AQP7B: variants seen among roughly 807,000 people sequenced by gnomAD.
AQP7B encodes the protein aquaporin 7B.
chr2:94,597,663 G>A, the AQP7B span, among the ~76,000 whole-genome samples: 1 of 147,436 alleles, frequency 6.8e-6, no homozygotes, highest in Admixed American at 6.8e-5. Flanking sequence ...TTGTCGCAGT[G>A]GTGCAATCTC....
the AQP7B span, among the ~76,000 whole-genome samples, chr2:94,596,081 G>T: frequency 6.6e-6 from 1 of 152,230 alleles, no homozygotes; most frequent in Non-Finnish European, 1.5e-5. Context: ...GCATGACAGA[G>T]GGGGGCAGTG....
chr2:94,601,273 C>T, the AQP7B span, among the ~76,000 whole-genome samples: 18 of 152,156 alleles, frequency 1.2e-4, no homozygotes, highest in African/African-American at 4.3e-4. Flanking sequence ...CTATCATTTG[C>T]AACATCTGAG....
the AQP7B span, chr2:94,602,577 G>A: frequency 6.3e-7 from 1 of 1,599,696 alleles, no homozygotes. Flanking sequence ...TTTGGCTTCG[G>A]GGTCACCATG....
At chr2:94,593,565 A>C in the AQP7B span, among the ~76,000 whole-genome samples, 2 of 147,428 alleles carry the variant, frequency 1.4e-5, no homozygotes, top group African/African-American at 2.5e-5. Context: ...GGCTCACTGC[A>C]ACCTCCATCT....
the AQP7B span, among the ~76,000 whole-genome samples, chr2:94,597,049 G>A: frequency 1.3e-5 from 2 of 152,088 alleles, no homozygotes; most frequent in South Asian, 2.1e-4. Context: ...TGTGAAGAAG[G>A]CCAAGTCTCA....
the AQP7B span, chr2:94,602,741 G>GA: frequency 9.5e-7 from 1 of 1,049,946 alleles, no homozygotes; most frequent in African/African-American, 1.6e-5. Context: ...CGGGCAGGAG[G>GA]AAGTCTCCTC....
chr2:94,599,053 C>T, the AQP7B span, among the ~76,000 whole-genome samples: 3 of 152,206 alleles, frequency 2.0e-5, no homozygotes, highest in African/African-American at 7.2e-5. Flanking sequence ...TGGCCTGCCT[C>T]GGTCTCCCAA....
chr2:94,594,807 C>T, the AQP7B span: 46 of 1,569,234 alleles, frequency 2.9e-5, no homozygotes, highest in East Asian at 9.0e-5. Flanking sequence ...AAATATGGTG[C>T]GAGGAAGATG....
the AQP7B span, among the ~76,000 whole-genome samples, chr2:94,600,239 T>C: frequency 6.6e-6 from 1 of 152,196 alleles, no homozygotes; most frequent in African/African-American, 2.4e-5. Context: ...TCGGCCCTTA[T>C]GTCTACAATT....
chr2:94,604,558 C>G, the AQP7B span: 6 of 1,601,162 alleles, frequency 3.7e-6, no homozygotes, highest in Admixed American at 1.7e-5. Flanking sequence ...AATCCATGGC[C>G]CTAGAGCACT....
At chr2:94,595,105 C>T in the AQP7B span, among the ~76,000 whole-genome samples, 46 of 152,078 alleles carry the variant, frequency 3.0e-4, no homozygotes, top group East Asian at 5.0e-3. Flanking sequence ...ATCCGGGGCA[C>T]GGCTGGAAAT....
chr2:94,592,416 C>A, the AQP7B span, among the ~76,000 whole-genome samples: 1 of 152,150 alleles, frequency 6.6e-6, no homozygotes, highest in Non-Finnish European at 1.5e-5. Flanking sequence ...GAAACAAAAC[C>A]AGGGATGAGT....
chr2:94,601,478 C>T, the AQP7B span, among the ~76,000 whole-genome samples: 130 of 152,276 alleles, frequency 8.5e-4, 1 homozygote, highest in Middle Eastern at 3.4e-3. Context: ...AAACTGTCTA[C>T]GTGGTAAAAC....
At chr2:94,588,659 T>C in the AQP7B span, 1 of 830,850 alleles carries the variant, frequency 1.2e-6, no homozygotes, top group Non-Finnish European at 2.0e-6. Context: ...TGTCCCCCCT[T>C]GACCTCCTCC....
the AQP7B span, among the ~76,000 whole-genome samples, chr2:94,600,201 G>A: frequency 6.6e-6 from 1 of 152,040 alleles, no homozygotes; most frequent in African/African-American, 2.4e-5. Flanking sequence ...ACCCTCTCCT[G>A]GGGCCTTCTC....
chr2:94,588,626 C>G, the AQP7B span: 1 of 759,222 alleles, frequency 1.3e-6, no homozygotes, highest in Non-Finnish European at 2.2e-6. Context: ...CTGCTCCATC[C>G]TCAGCCTCTC....
At chr2:94,594,651 T>C in the AQP7B span, 108 of 833,106 alleles carry the variant, frequency 1.3e-4, no homozygotes, top group Middle Eastern at 3.0e-4. Context: ...GGCTGCTGGG[T>C]TACCTATTAA....
At chr2:94,602,679 C>T in the AQP7B span, 4 of 1,464,950 alleles carry the variant, frequency 2.7e-6, no homozygotes, top group Non-Finnish European at 3.8e-6. Context: ...CTCTTTCCTG[C>T]CCACCTCAGC....
At chr2:94,603,726 G>T in the AQP7B span, 1 of 1,500,334 alleles carries the variant, frequency 6.7e-7, no homozygotes, top group Non-Finnish European at 9.0e-7. Flanking sequence ...GGCTGACCAG[G>T]ATGCTCCAGC....
Sources: gnomAD v4.1 joint callset for allele counts (sites outside exome capture counted in the v4.1 genomes callset) on GRCh38, gnomAD v4.1.1 for gene constraint, MANE v1.5 for transcripts, NCBI Gene and HGNC (gene_info 2026-07-23, HGNC 2026-07-21) for gene names.